ERF: variants seen among roughly 807,000 people sequenced by gnomAD.
The protein encoded by ERF is ETS2 repressor factor, also known as ETS domain-containing transcription factor ERF.
A neutral mutation model predicts 41.6 loss-of-function variants in ERF; 10 were observed. The ratio of observed to expected loss-of-function variants is 0.24; its 90% CI spans 0.15 to 0.41. The LOEUF (loss-of-function observed/expected upper bound fraction) is 0.41. ERF is among the 10% of genes least tolerant of loss of function. ERF has a pLI of 1.00. For missense variants in ERF, 621 were observed against 763.2 expected (o/e 0.81, Z 2.19); for synonymous variants, 395 against 342.4 (o/e 1.15, Z -1.70).
chr19:42,247,697 G>A lies in ERF; in HGVS notation c.*768C>T, dbSNP rs1005380470. On this transcript the variant is annotated 3_prime_UTR_variant, in exon 4 of 4. Transcript: ENST00000222329. ...CCACCCCACCCCAGAGGCCCCAGCT[G>A]GGAGGCAGAGGGGGCTTCCAGTTTG... 3 of 151,654 alleles carry A rather than the reference G, an allele frequency of 2.0e-5. No individual in the cohort carries two copies. Among genetic ancestry groups the A allele is most frequent in the East Asian group, 1.9e-4 (1 of 5,142 alleles). The allele number at this position is 151,654 out of a possible 1,614,324, so 9.4% of individuals were successfully genotyped here.
intron 1 of ERF, among the ~76,000 whole-genome samples, chr19:42,253,666 G>GCCCCCTTC (rs2036482735): frequency 6.6e-6 from 1 of 151,962 alleles, no homozygotes. Flanking sequence ...CCGCACCCCG[G>GCCCCCTTC]CCCCACCCCC....
At chr19:42,251,075 T>C (rs1292437385) in intron 1 of ERF, among the ~76,000 whole-genome samples, 1 of 152,042 alleles carries the variant, frequency 6.6e-6, no homozygotes, top group East Asian at 1.9e-4. Flanking sequence ...AGGAAGATTT[T>C]TTTTTTTTTT....
Position 42,250,287 on chromosome 19 carries a change from G to C in ERF, c.257+44C>G, listed in dbSNP as rs371362840. 126 of 1,595,874 alleles carry C rather than the reference G, an allele frequency of 7.9e-5. No individual in the cohort carries two copies. Among genetic ancestry groups the C allele is most frequent in the Non-Finnish European group, 9.8e-5 (114 of 1,168,080 alleles). ...CAGGCAAGGGGCTGTGCAACCCCGG[G>C]GGGGCACTCCACATGTGCTCAGGGG... On this transcript the variant is annotated intron_variant, in intron 2 of 3. Transcript: ENST00000222329. The surrounding 1 kb of genome is among the most constrained non-coding windows in gnomAD (Gnocchi z 5.1).
Position 42,248,305 on chromosome 19 carries a change from A to T in ERF, c.*160T>A, listed in dbSNP as rs539756067. ...GCACCCACCCACCCCCACCATTTTT[A>T]AAAAAAAGAAATTAAAGTTTTATAC... On this transcript the variant is annotated 3_prime_UTR_variant, in exon 4 of 4. Transcript: ENST00000222329. The surrounding 1 kb of genome is among the most constrained non-coding windows in gnomAD (Gnocchi z 4.2). 560 of 390,370 alleles carry T rather than the reference A, an allele frequency of 1.4e-3. No individual in the cohort carries two copies. Among genetic ancestry groups the T allele is most frequent in the East Asian group, 1.8e-3 (28 of 15,186 alleles). The allele number at this position is 390,370 out of a possible 1,614,324, so 24.2% of individuals were successfully genotyped here.
intron 1 of ERF, chr19:42,253,917 C>T (rs961149012): frequency 6.6e-6 from 7 of 1,055,924 alleles, no homozygotes; most frequent in Middle Eastern, 9.1e-4. Flanking sequence ...AACAGCGGCG[C>T]CCGGCCCCCT....
In ERF at chr19:42,248,554, C is replaced by T. The variant is rs2036371774; in HGVS notation, c.1558G>A (p.Glu520Lys). Residue 520 changes from glutamate (E) to lysine (K), a missense_variant, in exon 4 of 4, where the codon GAG becomes AAG. Physicochemically the swap from Glu to Lys is moderately conservative, Grantham distance 56. Coordinates refer to ENST00000222329, the MANE Select transcript of ERF (RefSeq NM_006494.4). This position sits in a 1 kb window ranked among gnomAD's most constrained non-coding sequence, Gnocchi z 4.2. Reference protein sequence around the residue: ...DKKVRGEGPGEAGGPLTPRRV... With the variant: ...DKKVRGEGPGKAGGPLTPRRV... ...CTTGGGGTGAGGGGCCCCCCAGCCT[C>T]CCCAGGCCCCTCCCCACGCACCTTC... 2.6e-6 allele frequency: 4 copies of T among 1,563,284 alleles called. No individual in the cohort carries two copies. The highest frequency in any genetic ancestry group is 1.9e-5 in the Admixed American group (1 of 52,272).
In ERF at chr19:42,248,800, C is replaced by T. The variant is rs770438845; in HGVS notation, c.1312G>A (p.Val438Ile). 3.7e-6 allele frequency: 6 copies of T among 1,613,326 alleles called. No individual in the cohort carries two copies. In the East Asian group the frequency reaches 1.3e-4, roughly 36 times the overall value. Residue 438 changes from valine to isoleucine, a missense_variant, in exon 4 of 4, where the codon GTA (valine) becomes ATA (isoleucine). By Grantham distance (29) the Val-to-Ile change is conservative (BLOSUM62 3). This residue lies in a region of ERF where 569 missense variants were observed against 625.5 expected (regional missense o/e 0.91). Coordinates refer to ENST00000222329, the MANE Select transcript of ERF (RefSeq NM_006494.4). This position sits in a 1 kb window ranked among gnomAD's most constrained non-coding sequence, Gnocchi z 4.2. ...EPISEGESEE[V>I]EVTDISDEDE... ...TCATCACTGATGTCAGTCACCTCTA[C>T]CTCCTCCGACTCGCCTTCCGAGATG...
At chr19:42,254,094 C>T (rs2036493900) in intron 1 of ERF, among the ~76,000 whole-genome samples, 1 of 149,238 alleles carries the variant, frequency 6.7e-6, no homozygotes, top group Non-Finnish European at 1.5e-5. Flanking sequence ...GGGAGTTAAT[C>T]CCGCTGCCCC....
intron 1 of ERF, chr19:42,251,302 C>G (rs2036441388): frequency 1.0e-6 from 1 of 986,166 alleles, no homozygotes; most frequent in Non-Finnish European, 1.2e-6. Flanking sequence ...TGAGCAGGCA[C>G]CCTGGAGCTG....
In ERF at chr19:42,249,074, G is replaced by A. The variant is rs754070619; in HGVS notation, c.1038C>T (p.Asp346=). Residue 346 remains aspartate, a synonymous_variant, in exon 4 of 4, where the codon GAC becomes GAT. Coordinates refer to ENST00000222329, the MANE Select transcript of ERF (RefSeq NM_006494.4). This position sits in a 1 kb window ranked among gnomAD's most constrained non-coding sequence, Gnocchi z 8.6. The part of the protein sequence containing the change: ...GLVVPQPQRP[D]KCPLPPMAPE... ...GTGCCATGGGCGGCAGCGGGCACTT[G>A]TCAGGGCGCTGGGGCTGGGGCACCA... is the stretch of plus-strand genomic sequence containing the variant. 1 of 1,613,392 alleles carries A rather than the reference G, an allele frequency of 6.2e-7. No individual in the cohort carries two copies. Among genetic ancestry groups the A allele is most frequent in the South Asian group, 1.1e-5 (1 of 91,058 alleles).
chr19:42,253,921 G>A (rs1247953863), intron 1 of ERF: 13 of 1,052,958 alleles, frequency 1.2e-5, no homozygotes, highest in South Asian at 2.7e-5. Context: ...GCGGCGCCCG[G>A]CCCCCTTCCC....
chr19:42,248,436 G>A lies in ERF; in HGVS notation c.*29C>T, dbSNP rs773040878. On this transcript the variant is annotated 3_prime_UTR_variant, in exon 4 of 4. Coordinates refer to ENST00000222329, the MANE Select transcript of ERF (RefSeq NM_006494.4). The surrounding 1 kb of genome is among the most constrained non-coding windows in gnomAD (Gnocchi z 4.2). The stretch of plus-strand genomic sequence containing the variant: ...GCAGCAAAAGAAGCATGGGGGGTGC[G>A]GGGCACACAGGTCCCCTGCCCACAG... The A allele has an allele frequency of 4.9e-5, 71 of 1,450,244 alleles. No individual in the cohort carries two copies. The highest frequency in any genetic ancestry group is 6.2e-5 in the Non-Finnish European group (68 of 1,101,408). The allele number at this position is 1,450,244 out of a possible 1,614,324, so 89.8% of individuals were successfully genotyped here.
intron 1 of ERF, chr19:42,251,429 G>A (rs1241981778): frequency 1.1e-6 from 1 of 894,930 alleles, no homozygotes; most frequent in Non-Finnish European, 1.3e-6. Flanking sequence ...GTCTCTGGAG[G>A]GGGTGGGCAG....
chr19:42,253,446 C>A (rs1001424019), intron 1 of ERF, among the ~76,000 whole-genome samples: 3 of 152,134 alleles, frequency 2.0e-5, no homozygotes, highest in Non-Finnish European at 4.4e-5. Flanking sequence ...CACACACTGT[C>A]CCGCCCCCCG....
At chr19:42,251,855 G>A (rs1162607291) in intron 1 of ERF, among the ~76,000 whole-genome samples, 1 of 151,964 alleles carries the variant, frequency 6.6e-6, no homozygotes, top group East Asian at 1.9e-4. Flanking sequence ...GCTCACTGTA[G>A]GCCCCCAACT....
At position 42,250,656 on chromosome 19, in the gene ERF, C is replaced by G. The variant is rs1355173648; in HGVS notation, c.23-91G>C. 1 of 1,245,190 alleles carries G rather than the reference C, an allele frequency of 8.0e-7. No homozygotes were observed. The allele number at this position is 1,245,190 out of a possible 1,614,324, so 77.1% of individuals were successfully genotyped here. ...CCAGGGTCCACCTCTGCCCTGCCTTCAACATGGGGAAATCTGTCTCACCTC... is the reference window on the plus strand; with the variant it reads ...CCAGGGTCCACCTCTGCCCTGCCTTGAACATGGGGAAATCTGTCTCACCTC... On this transcript the variant is annotated intron_variant, in intron 1 of 3. Coordinates refer to ENST00000222329, the MANE Select transcript of ERF (RefSeq NM_006494.4). The surrounding 1 kb of genome is among the most constrained non-coding windows in gnomAD (Gnocchi z 5.1).
rs1351537439 is a variant in ERF, at chr19:42,248,724, G to A, written c.1388C>T (p.Pro463Leu). The change falls in exon 4 of 4, where the codon CCC becomes CTC. Residue 463 changes from proline (P) to leucine (L), a missense_variant. Transcript: ENST00000222329. The surrounding 1 kb of genome is among the most constrained non-coding windows in gnomAD (Gnocchi z 4.2). ...TGCCTCGCCGGGCTCAGGCTTAGGG[G>A]GTGCAGGTGGGGCACGGGGCGTCTT... ...VFKTPRAPPA[P>L]PKPEPGEAPG... 12 of 1,613,602 alleles carry A rather than the reference G, an allele frequency of 7.4e-6. No individual in the cohort carries two copies. The highest frequency in any genetic ancestry group is 9.3e-6 in the Non-Finnish European group (11 of 1,179,934).
At chr19:42,254,231 AGG>A (rs2036496967) in intron 1 of ERF, among the ~76,000 whole-genome samples, 1 of 141,354 alleles carries the variant, frequency 7.1e-6, no homozygotes, top group African/African-American at 2.6e-5. Flanking sequence ...AGGGGGGGCG[AGG>A]GGGGAGCCTC....
chr19:42,253,800 G>A, intron 1 of ERF: 2 of 873,864 alleles, frequency 2.3e-6, no homozygotes. Flanking sequence ...TGGGAATGGG[G>A]TGGGGATGGG....
Sources: gnomAD v4.1 joint callset for allele counts (sites outside exome capture counted in the v4.1 genomes callset) on GRCh38, gnomAD v4.1.1 for gene constraint, gnomAD v4.1.1 regional missense constraint, Gnocchi (gnomAD v3.1) non-coding constraint, MANE v1.5 for transcripts, NCBI Gene and HGNC (gene_info 2026-07-23, HGNC 2026-07-21) for gene names.